Variants in SLC9A9 observed in about 807,000 individuals in gnomAD.
SLC9A9 encodes solute carrier family 9 member A9.
In SLC9A9, 62 loss-of-function variants were observed where a neutral mutation model predicts 77.8. The ratio of observed to expected loss-of-function variants is 0.80; its 90% confidence interval spans 0.65 to 0.98. The LOEUF is 0.98. Ranked by LOEUF, SLC9A9 falls within the 50% of genes least tolerant of loss-of-function variation. The pLI is 0.00. For synonymous variants in SLC9A9, 320 were observed against 283.5 expected, an observed-to-expected ratio of 1.13 and a Z score of -1.29; for missense variants, 775 against 774.9, an observed-to-expected ratio of 1.00 and a Z score of 0.00.
rs1370649994 is a variant in SLC9A9, at chr3:143,467,203, A to G, written c.1316-13T>C. On this transcript the variant is annotated splice_polypyrimidine_tract_variant and intron_variant, in intron 11 of 15. Coordinates refer to ENST00000316549, the MANE Select transcript of SLC9A9 (RefSeq NM_173653.4). ...GCTCCTCGCAAACCTTGCAGGAAAA[A>G]CCAAAGGAGAAAATAAATGCCTTGC... 2 of 1,614,116 alleles carry G rather than the reference A, an allele frequency of 1.2e-6. No homozygotes were observed. Among genetic ancestry groups the G allele is most frequent in the East Asian group, 4.5e-5 (2 of 44,850 alleles).
chr3:143,778,037 C>CAGAAAAAAAAA (rs2007752875), intron 4 of SLC9A9, among the ~76,000 whole-genome samples: 1 of 75,572 alleles, frequency 1.3e-5, no homozygotes, highest in Admixed American at 2.0e-4. Flanking sequence ...TTATAAAATG[C>CAGAAAAAAAAA]AAAAAAAAAA....
chr3:143,385,213 G>A (rs2033396503), intron 12 of SLC9A9, among the ~76,000 whole-genome samples: 1 of 151,328 alleles, frequency 6.6e-6, no homozygotes. Context: ...ACAATATGTT[G>A]ACATATTGTC....
intron 12 of SLC9A9, among the ~76,000 whole-genome samples, chr3:143,384,221 T>A (rs923650213): frequency 2.1e-5 from 2 of 96,266 alleles, no homozygotes; most frequent in Non-Finnish European, 4.2e-5. Flanking sequence ...TAGAGAGGGG[T>A]GGGGGTGGCC....
At chr3:143,843,056 AAAATCATCAAGATTAAGAAACTT>A (rs11275526) in intron 1 of SLC9A9, among the ~76,000 whole-genome samples, 12,932 of 152,102 alleles carry the variant, frequency 0.085, 1,472 homozygotes, top group African/African-American at 0.26. Flanking sequence ...TACTGAAAAA[AAAATCATCAAGATTAAGAAACTT>A]AAATCTCCAG....
chr3:143,754,641 T>G (rs2006864073), intron 4 of SLC9A9, among the ~76,000 whole-genome samples: 1 of 151,868 alleles, frequency 6.6e-6, no homozygotes, highest in Non-Finnish European at 1.5e-5. Flanking sequence ...AAAGGGCAAG[T>G]CCAACAGAGG....
At chr3:143,583,968 T>C (rs1036276726) in intron 6 of SLC9A9, among the ~76,000 whole-genome samples, 2 of 151,796 alleles carry the variant, frequency 1.3e-5, no homozygotes, top group Non-Finnish European at 2.9e-5. Flanking sequence ...GCTCAATAAA[T>C]GCTAGTAATG....
At chr3:143,510,405 T>A (rs2036097398) in intron 9 of SLC9A9, among the ~76,000 whole-genome samples, 1 of 152,154 alleles carries the variant, frequency 6.6e-6, no homozygotes, top group Non-Finnish European at 1.5e-5. Context: ...AAGTGAAAAT[T>A]AAATACCCGA....
chr3:143,668,528 C>T (rs1404978395), intron 5 of SLC9A9, among the ~76,000 whole-genome samples: 2 of 151,954 alleles, frequency 1.3e-5, no homozygotes, highest in Non-Finnish European at 2.9e-5. Flanking sequence ...AAAAAACCAC[C>T]TCCCAATAAA....
chr3:143,407,170 C>G (rs773175613), intron 12 of SLC9A9, among the ~76,000 whole-genome samples: 1 of 152,120 alleles, frequency 6.6e-6, no homozygotes, highest in Non-Finnish European at 1.5e-5. Context: ...TTGTAGTCTA[C>G]TTTTAGCTTT....
chr3:143,266,380 G>T lies in SLC9A9; in HGVS notation c.*322C>A. 1.8e-6 allele frequency: 1 copy of T among 545,918 alleles called. No individual in the cohort carries two copies. Among genetic ancestry groups the T allele is most frequent in the Non-Finnish European group, 3.3e-6 (1 of 305,526 alleles). The allele number at this position is 545,918 out of a possible 1,614,324, so 33.8% of individuals were successfully genotyped here. ...GTGAAGGGCCTGGAGAGCCGCATTC[G>T]CAGCAGAAATGCCCTGAAGACCCAG... On this transcript the variant is annotated 3_prime_UTR_variant, in exon 16 of 16. Coordinates refer to ENST00000316549, the MANE Select transcript of SLC9A9 (RefSeq NM_173653.4).
At chr3:143,819,126 T>C (rs1045897961) in intron 2 of SLC9A9, among the ~76,000 whole-genome samples, 1 of 152,096 alleles carries the variant, frequency 6.6e-6, no homozygotes. Flanking sequence ...TTCATTGAAA[T>C]TCAGAGAAGC....
chr3:143,599,016 A>G (rs1411548733), intron 6 of SLC9A9, among the ~76,000 whole-genome samples: 2 of 152,204 alleles, frequency 1.3e-5, no homozygotes, highest in East Asian at 3.8e-4. Flanking sequence ...GGTCGCCTCA[A>G]TCCCTCATTC....
intron 12 of SLC9A9, among the ~76,000 whole-genome samples, chr3:143,400,632 A>G (rs192160822): frequency 4.4e-4 from 67 of 152,162 alleles, no homozygotes; most frequent in South Asian, 4.2e-3. Context: ...AATCACCACA[A>G]AAGAACTTAC....
At chr3:143,527,200 C>T (rs927070859) in intron 9 of SLC9A9, among the ~76,000 whole-genome samples, 6 of 152,102 alleles carry the variant, frequency 3.9e-5, no homozygotes, top group Admixed American at 1.3e-4. Context: ...TTATTTTTAC[C>T]ATTTTTCACA....
chr3:143,848,219 A>G lies in SLC9A9; in HGVS notation c.104T>C (p.Ile35Thr), dbSNP rs766710402. The G allele has an allele frequency of 3.1e-6, 5 of 1,614,030 alleles. No individual in the cohort carries two copies. The highest frequency in any genetic ancestry group is 2.2e-5 in the South Asian group (2 of 91,070). The change falls in exon 1 of 16, where the codon ATT (isoleucine) becomes ACT (threonine). Residue 35 changes from isoleucine (I) to threonine (T), a missense_variant. Transcript: ENST00000316549. ...ATTTTTAAATAACCAGATTGTCAAA[A>G]TGGTAAGGATGAGCAAAAAATTGAA... Reference protein sequence around the residue: ...LVFNFLLILTILTIWLFKNHR... With the variant: ...LVFNFLLILTTLTIWLFKNHR...
intron 14 of SLC9A9, among the ~76,000 whole-genome samples, chr3:143,327,823 G>GA (rs2031648836): frequency 6.6e-6 from 1 of 151,996 alleles, no homozygotes; most frequent in Non-Finnish European, 1.5e-5. Context: ...CAGGCTAAAG[G>GA]AAAAAAATCA....
intron 2 of SLC9A9, among the ~76,000 whole-genome samples, chr3:143,822,910 C>A (rs935360104): frequency 4.6e-5 from 7 of 152,148 alleles, no homozygotes; most frequent in African/African-American, 1.7e-4. Context: ...CATCCCTACG[C>A]AATTATTTGG....
chr3:143,593,293 T>G (rs1365738214), intron 6 of SLC9A9, among the ~76,000 whole-genome samples: 1 of 152,190 alleles, frequency 6.6e-6, no homozygotes, highest in Admixed American at 6.5e-5. Context: ...TCTCTCATTT[T>G]CTCTCTCTGT....
At chr3:143,741,400 A>C (rs1039566036) in intron 4 of SLC9A9, among the ~76,000 whole-genome samples, 2 of 152,244 alleles carry the variant, frequency 1.3e-5, no homozygotes, top group African/African-American at 4.8e-5. Context: ...TATTAATCAA[A>C]ATATAAAACA....
Sources: gnomAD v4.1 joint callset for allele counts (sites outside exome capture counted in the v4.1 genomes callset) on GRCh38, gnomAD v4.1.1 for gene constraint, MANE v1.5 for transcripts, NCBI Gene and HGNC (gene_info 2026-07-23, HGNC 2026-07-21) for gene names.